Variants in LOC122539214 observed in about 807,000 individuals in gnomAD.
chr19:52,689,004 C>T, the LOC122539214 span, among the ~76,000 whole-genome samples: 1 of 150,008 alleles, frequency 6.7e-6, no homozygotes, highest in Non-Finnish European at 1.5e-5. Flanking sequence ...ACTCTTTTTC[C>T]AGGCTTCTTA....
chr19:52,680,447 A>G, the LOC122539214 span, among the ~76,000 whole-genome samples: 1 of 152,110 alleles, frequency 6.6e-6, no homozygotes, highest in East Asian at 1.9e-4. Context: ...ACATTTCCAC[A>G]AAACATCATG....
the LOC122539214 span, among the ~76,000 whole-genome samples, chr19:52,668,627 C>G: frequency 6.6e-6 from 1 of 152,108 alleles, no homozygotes; most frequent in Non-Finnish European, 1.5e-5. Flanking sequence ...AAAGCAAGTT[C>G]TCAGTAGTAG....
the LOC122539214 span, among the ~76,000 whole-genome samples, chr19:52,689,890 G>A: frequency 2.6e-5 from 4 of 152,242 alleles, no homozygotes; most frequent in Non-Finnish European, 4.4e-5. Context: ...CAGGCCCCGG[G>A]CACCTCCCCA....
chr19:52,689,409 A>AGC, the LOC122539214 span, among the ~76,000 whole-genome samples: 18,560 of 149,790 alleles, frequency 0.12, 1,428 homozygotes, highest in African/African-American at 0.23. Context: ...ACTCTCTAGC[A>AGC]CTCCAGATCC....
the LOC122539214 span, among the ~76,000 whole-genome samples, chr19:52,664,918 G>A: frequency 6.6e-6 from 1 of 152,130 alleles, no homozygotes; most frequent in Non-Finnish European, 1.5e-5. Flanking sequence ...CAGGGAAATA[G>A]TACCTCCCTG....
At chr19:52,688,188 G>A in the LOC122539214 span, among the ~76,000 whole-genome samples, 1 of 151,904 alleles carries the variant, frequency 6.6e-6, no homozygotes, top group African/African-American at 2.4e-5. Flanking sequence ...TCTTTTCTTT[G>A]GTAACAGGGT....
chr19:52,686,521 T>G, the LOC122539214 span, among the ~76,000 whole-genome samples: 1 of 150,810 alleles, frequency 6.6e-6, no homozygotes, highest in African/African-American at 2.4e-5. Context: ...AAAAGAAATC[T>G]ATTACACAAC....
the LOC122539214 span, among the ~76,000 whole-genome samples, chr19:52,670,130 C>A: frequency 0.01 from 1,559 of 152,080 alleles, 28 homozygotes; most frequent in African/African-American, 0.036. Context: ...TCCACCTTGA[C>A]TCATTCTGAT....
chr19:52,665,111 G>A, the LOC122539214 span, among the ~76,000 whole-genome samples: 1 of 152,304 alleles, frequency 6.6e-6, no homozygotes, highest in African/African-American at 2.4e-5. Context: ...GAACCAATTA[G>A]AAATCCTCTC....
chr19:52,655,583 G>T, the LOC122539214 span: 2 of 1,502,614 alleles, frequency 1.3e-6, no homozygotes, highest in South Asian at 1.1e-5. Context: ...GGTTCCTGTA[G>T]TTCTCCAACA....
At chr19:52,688,840 C>T in the LOC122539214 span, among the ~76,000 whole-genome samples, 4 of 151,840 alleles carry the variant, frequency 2.6e-5, no homozygotes, top group African/African-American at 9.7e-5. Flanking sequence ...ACAAGTTTTC[C>T]TCTGCCTGTC....
the LOC122539214 span, among the ~76,000 whole-genome samples, chr19:52,688,455 T>C: frequency 2.6e-5 from 4 of 152,030 alleles, no homozygotes; most frequent in Non-Finnish European, 5.9e-5. Context: ...ATTACAGGCA[T>C]GAACCACTGT....
the LOC122539214 span, among the ~76,000 whole-genome samples, chr19:52,690,040 C>A: frequency 1.3e-5 from 2 of 152,188 alleles, no homozygotes; most frequent in Non-Finnish European, 2.9e-5. Context: ...GCAGAGGACA[C>A]GGCCTCCCCG....
the LOC122539214 span, among the ~76,000 whole-genome samples, chr19:52,686,273 T>C: frequency 6.6e-6 from 1 of 151,922 alleles, no homozygotes; most frequent in Admixed American, 6.6e-5. Context: ...TTTTAAATTG[T>C]TTTAAAAAAA....
the LOC122539214 span, among the ~76,000 whole-genome samples, chr19:52,667,828 A>T: frequency 6.6e-6 from 1 of 152,232 alleles, no homozygotes; most frequent in Admixed American, 6.5e-5. Context: ...ATATGTCTAC[A>T]AGGTTTTATT....
At chr19:52,653,377 T>C in the LOC122539214 span, 2 of 1,074,436 alleles carry the variant, frequency 1.9e-6, no homozygotes, top group African/African-American at 1.6e-5. Flanking sequence ...CTGGAAAACC[T>C]TGCCACATTC....
the LOC122539214 span, chr19:52,655,739 C>G: frequency 0.48 from 356,819 of 736,402 alleles, 90,395 homozygotes; most frequent in East Asian, 0.74. Context: ...TCATTACCTT[C>G]ACACAAAATG....
At chr19:52,679,662 A>G in the LOC122539214 span, among the ~76,000 whole-genome samples, 1 of 152,162 alleles carries the variant, frequency 6.6e-6, no homozygotes, top group Non-Finnish European at 1.5e-5. Flanking sequence ...CTTATCAGTC[A>G]GTGTGATGCT....
chr19:52,664,262 G>T, the LOC122539214 span, among the ~76,000 whole-genome samples: 233 of 151,502 alleles, frequency 1.5e-3, no homozygotes, highest in African/African-American at 5.3e-3. Context: ...TTGGGAGGCC[G>T]ATGCGGCTGG....
Sources: allele counts gnomAD v4.1 joint callset (sites outside exome capture counted in the v4.1 genomes callset), GRCh38; gene constraint gnomAD v4.1.1; transcripts MANE v1.5.